Variants in NUP205 observed in about 807,000 individuals in gnomAD.
The protein encoded by NUP205 is nuclear pore complex protein Nup205.
A neutral mutation model predicts 253.8 loss-of-function variants in NUP205; 76 were observed. That is an observed-to-expected ratio of 0.30 (90% confidence interval 0.25 to 0.36). NUP205 has a LOEUF of 0.36. NUP205 is among the 10% of genes least tolerant of loss of function. The probability of loss-of-function intolerance (pLI) is 1.00; values close to 1 mark genes in which losing one functional copy is unlikely to be tolerated. For missense variants in NUP205, 2,162 were observed against 2,425.5 expected (o/e 0.89, Z 2.28); for synonymous variants, 832 against 850.1 (o/e 0.98, Z 0.37).
intron 38 of NUP205, among the ~76,000 whole-genome samples, chr7:135,642,031 G>T (rs1240857765): frequency 1.3e-5 from 2 of 151,868 alleles, no homozygotes; most frequent in African/African-American, 4.8e-5. Flanking sequence ...GAGGCGGGTG[G>T]ATCACCTGAG....
intron 17 of NUP205, among the ~76,000 whole-genome samples, chr7:135,602,285 A>G (rs1793982826): frequency 6.6e-6 from 1 of 152,132 alleles, no homozygotes; most frequent in South Asian, 2.1e-4. Context: ...CCTTGTTTCT[A>G]TTTTCTGCGT....
At chr7:135,560,986 T>C (rs11532803) in intron 1 of NUP205, among the ~76,000 whole-genome samples, 2 of 152,040 alleles carry the variant, frequency 1.3e-5, no homozygotes, top group African/African-American at 4.8e-5. Context: ...TCCTTTAAAT[T>C]ACAGTTTTAA....
chr7:135,570,829 AATTATAT>A (rs1423222405), intron 1 of NUP205, among the ~76,000 whole-genome samples: 131 of 30,404 alleles, frequency 4.3e-3, no homozygotes, highest in African/African-American at 0.015. Flanking sequence ...TTAATATATA[AATTATAT>A]ATTATATATT....
At chr7:135,587,411 G>A (rs893221307) in intron 8 of NUP205, among the ~76,000 whole-genome samples, 164 bp from the exon 9 acceptor site, 1 of 152,076 alleles carries the variant, frequency 6.6e-6, no homozygotes, top group Non-Finnish European at 1.5e-5. Context: ...TAGTAATATT[G>A]CAAATAAGAT....
At chr7:135,562,557 T>TTG (rs1325818440) in intron 1 of NUP205, among the ~76,000 whole-genome samples, 1 of 146,594 alleles carries the variant, frequency 6.8e-6, no homozygotes, top group Non-Finnish European at 1.5e-5. Context: ...TTTTTTTTTT[T>TTG]TTTTTTTTTG....
intron 37 of NUP205, 122 bp downstream of exon 37, chr7:135,638,181 G>A: frequency 1.0e-5 from 10 of 994,078 alleles, no homozygotes; most frequent in African/African-American, 3.3e-5. Context: ...AGGCCAAGGC[G>A]GATGGATCAC....
rs1006132508 is a variant in NUP205 at position 135,645,343 on chromosome 7, G to T, written c.5684-125G>T. On this transcript the variant is annotated intron_variant, in intron 40 of 42. Transcript: ENST00000285968. ...AGGAGCCTTCAGTGAGACCCTGTCTGTTAGACTGAGGCTGTGGGTACCTCA... is the reference window on the plus strand; with the variant it reads ...AGGAGCCTTCAGTGAGACCCTGTCTTTTAGACTGAGGCTGTGGGTACCTCA... 10 of 1,010,986 alleles carry T rather than the reference G, an allele frequency of 9.9e-6. No homozygotes were observed. The African/African-American group carries it at 1.6e-4, about 16-fold the overall frequency. The allele number at this position is 1,010,986 out of a possible 1,614,324, so 62.6% of individuals were successfully genotyped here.
chr7:135,570,404 G>A (rs1207322488), intron 1 of NUP205, among the ~76,000 whole-genome samples: 1 of 151,122 alleles, frequency 6.6e-6, no homozygotes, highest in South Asian at 2.1e-4. Flanking sequence ...TAGTAGAGAC[G>A]GGGTTTCACC....
At chr7:135,643,154 A>G (rs755523197) in intron 38 of NUP205, 38 bp from the exon 39 acceptor site, 16 of 1,580,500 alleles carry the variant, frequency 1.0e-5, no homozygotes, top group African/African-American at 5.4e-5. Flanking sequence ...TGAAATGCTT[A>G]TAAGTGGAAC....
At chr7:135,628,153 C>A (rs749413950) in intron 34 of NUP205, 42 bp downstream of exon 34, 12 of 1,571,074 alleles carry the variant, frequency 7.6e-6, no homozygotes, top group Non-Finnish European at 1.0e-5. Flanking sequence ...AGAGCAAAAT[C>A]CTCATTTTAC....
intron 34 of NUP205, among the ~76,000 whole-genome samples, chr7:135,629,583 G>A (rs937511871): frequency 2.7e-5 from 4 of 150,180 alleles, no homozygotes; most frequent in Non-Finnish European, 5.9e-5. Context: ...CTGGAGTGCA[G>A]TGGCACGATT....
At chr7:135,626,382 A>G in intron 33 of NUP205, 21 bp downstream of exon 33, 1 of 1,599,542 alleles carries the variant, frequency 6.3e-7, no homozygotes, top group Non-Finnish European at 8.5e-7. Context: ...GTATAGATTA[A>G]TTTGGTTAAA....
chr7:135,611,647 A>AG (rs1255577973), intron 22 of NUP205, among the ~76,000 whole-genome samples: 1 of 149,268 alleles, frequency 6.7e-6, no homozygotes, highest in Non-Finnish European at 1.5e-5. Flanking sequence ...GGTTGTTTCC[A>AG]GTTTTTTTTT....
At chr7:135,610,379 C>T (rs898893472) in intron 22 of NUP205, among the ~76,000 whole-genome samples, 1 of 152,200 alleles carries the variant, frequency 6.6e-6, no homozygotes, top group African/African-American at 2.4e-5. Flanking sequence ...TGCCATCACA[C>T]CCGGCTAATT....
intron 1 of NUP205, among the ~76,000 whole-genome samples, chr7:135,564,154 C>T (rs1034033534): frequency 2.0e-5 from 3 of 151,698 alleles, no homozygotes; most frequent in Admixed American, 6.6e-5. Flanking sequence ...TCATGGCATA[C>T]TACAGCCTCT....
At chr7:135,562,877 G>A (rs972385715) in intron 1 of NUP205, among the ~76,000 whole-genome samples, 3 of 152,130 alleles carry the variant, frequency 2.0e-5, no homozygotes, top group African/African-American at 7.2e-5. Flanking sequence ...AGTGAGCCCT[G>A]TGTGATGATC....
chr7:135,607,115 C>G, intron 21 of NUP205, 132 bp from the exon 22 acceptor site: 1 of 1,261,830 alleles, frequency 7.9e-7, no homozygotes. Context: ...TATCAATTTT[C>G]TGTTATCAGT....
rs1431882623 is a variant in NUP205 at position 135,614,170 on chromosome 7, G to A, written c.3207G>A (p.Gln1069=). ...CTTTAATGCTTTAGGTCATATATCA[G>A]TTATGTGCATGCTCTGATACATCTG... ...LAELCYQVIY[Q]LCACSDTSGP... Residue 1069 remains glutamine, a synonymous_variant, in exon 23 of 43, where the codon CAG becomes CAA. Coordinates refer to ENST00000285968, the MANE Select transcript of NUP205 (RefSeq NM_015135.3). 18 of 1,589,588 alleles carry A rather than the reference G, an allele frequency of 1.1e-5. No homozygotes were observed. Among genetic ancestry groups the A allele is most frequent in the Non-Finnish European group, 1.6e-5 (18 of 1,158,806 alleles).
At chr7:135,612,136 A>G (rs1392946575) in intron 22 of NUP205, among the ~76,000 whole-genome samples, 1 of 152,186 alleles carries the variant, frequency 6.6e-6, no homozygotes, top group East Asian at 1.9e-4. Context: ...AACAGAAGAA[A>G]AAAAAACAGA....
Sources: allele counts gnomAD v4.1 joint callset (sites outside exome capture counted in the v4.1 genomes callset), GRCh38; gene constraint gnomAD v4.1.1; transcripts MANE v1.5; gene names NCBI Gene and HGNC (gene_info 2026-07-23, HGNC 2026-07-21).